OPHN1: variants seen among roughly 807,000 people sequenced by gnomAD.
OPHN1 encodes oligophrenin-1.
A neutral mutation model predicts 60.7 loss-of-function variants in OPHN1; 11 were observed. That is an observed-to-expected ratio of 0.18 (90% CI 0.11 to 0.30). The LOEUF is 0.30. OPHN1 is among the 10% of genes least tolerant of loss of function. OPHN1 has a pLI of 1.00. For missense variants in OPHN1, 449 were observed against 611.0 expected, an observed-to-expected ratio of 0.73 and a Z score of 2.80; for synonymous variants, 226 against 222.6, an observed-to-expected ratio of 1.02 and a Z score of -0.14.
chrX:68,179,989 T>C (rs762662023), intron 15 of OPHN1, among the ~76,000 whole-genome samples: 35 of 111,485 alleles, frequency 3.1e-4, no homozygotes, highest in Non-Finnish European at 5.8e-4. Flanking sequence ...CACCTCTTGA[T>C]AACATTATAG....
At chrX:68,267,749 G>A (rs1602284513) in intron 5 of OPHN1, among the ~76,000 whole-genome samples, 1 of 111,551 alleles carries the variant, frequency 9.0e-6, no homozygotes, top group South Asian at 3.8e-4. Flanking sequence ...CCAGGAGCTG[G>A]TTTTTTGAAA....
At chrX:68,137,235 T>C (rs1312192264) in intron 15 of OPHN1, among the ~76,000 whole-genome samples, 3 of 111,659 alleles carry the variant, frequency 2.7e-5, no homozygotes, top group Non-Finnish European at 5.6e-5. Context: ...TGAAAAAGCC[T>C]GGGTAAAGAC....
At chrX:68,318,771 T>A (rs1169494530) in intron 2 of OPHN1, among the ~76,000 whole-genome samples, 1 of 112,008 alleles carries the variant, frequency 8.9e-6, no homozygotes, top group Non-Finnish European at 1.9e-5. Context: ...TCATCATGAC[T>A]CCTTAGGCTC....
chrX:68,190,859 A>G (rs1486398561), intron 15 of OPHN1, among the ~76,000 whole-genome samples: 1 of 112,269 alleles, frequency 8.9e-6, no homozygotes, highest in Non-Finnish European at 1.9e-5. Context: ...GATGGGTTGC[A>G]AATTGACCAG....
intron 15 of OPHN1, among the ~76,000 whole-genome samples, chrX:68,172,048 G>C (rs1245850125): frequency 9.0e-6 from 1 of 111,601 alleles, no homozygotes; most frequent in Admixed American, 9.6e-5. Flanking sequence ...AGTCATTTTG[G>C]AACAGTTTTT....
intron 12 of OPHN1, among the ~76,000 whole-genome samples, chrX:68,194,909 A>C (rs954356195): frequency 9.3e-6 from 1 of 107,460 alleles, no homozygotes; most frequent in African/African-American, 3.4e-5. Flanking sequence ...TGGAGGCTGC[A>C]GTGAGCTGAG....
At position 68,220,446 on chromosome X, in the gene OPHN1, T is replaced by C. The variant is rs1448869145; in HGVS notation, c.487-6474A>G. The stretch of plus-strand genomic sequence containing the variant: ...ACTCATTTCATGAGGCCAGCATCAT[T>C]CTGATACCAAAGCCTGGCAGAGACA... On this transcript the variant is annotated intron_variant, in intron 6 of 24. Transcript: ENST00000355520. 6.3e-5 allele frequency among the ~76,000 whole-genome samples: 7 copies of C among 110,607 alleles called. No homozygotes were observed. The South Asian group carries it at 1.6e-3, about 25-fold the overall frequency.
rs762363895 is a variant in OPHN1 at position 68,210,162 on chromosome X, G to T, written c.823C>A (p.Gln275Lys). 1 of 1,210,394 alleles carries T rather than the reference G, an allele frequency of 8.3e-7. No individual in the cohort carries two copies. Among genetic ancestry groups the T allele is most frequent in the Admixed American group, 2.2e-5 (1 of 45,917 alleles). ...QPTIEGYLYT[Q>K]EKWALGISWV... Reference sequence around the variant, plus strand: ...CTATGTCCCCACACACATTTCTCTTGTGTATAGAGATAGCCTTCAATAGTT... The same window carrying T: ...CTATGTCCCCACACACATTTCTCTTTTGTATAGAGATAGCCTTCAATAGTT... The change falls in exon 9 of 25, where the codon CAA becomes AAA. Residue 275 changes from glutamine (Q) to lysine (K), a missense_variant. Gln to Lys is a moderately conservative substitution (Grantham distance 53, BLOSUM62 1). This residue lies in a region of OPHN1 where 166 missense variants were observed against 278.4 expected (regional missense o/e 0.60). Transcript: ENST00000355520.
At chrX:68,408,997 T>C (rs1287391371) in intron 2 of OPHN1, among the ~76,000 whole-genome samples, 1 of 112,792 alleles carries the variant, frequency 8.9e-6, no homozygotes, top group African/African-American at 3.2e-5. Context: ...AACTAATCCA[T>C]GGGCTTATAA....
chrX:68,073,457 G>A lies in OPHN1; in HGVS notation c.1687-158C>T. 7 of 462,792 alleles carry A rather than the reference G, an allele frequency of 1.5e-5. No homozygotes were observed. In the South Asian group the frequency reaches 3.1e-4, roughly 20 times the overall value. 38.1% of individuals were successfully genotyped at this position (462,792 alleles called of 1,213,427 possible). On this transcript the variant is annotated intron_variant, in intron 19 of 24. Transcript: ENST00000355520. The stretch of plus-strand genomic sequence containing the variant: ...ATCAGAGATTTTCTTAATCACTCTA[G>A]CTACAGGTAAATGTTTAGGTATCTC...
At position 68,141,904 on chromosome X, in the gene OPHN1, T is replaced by TAAAG. The variant is rs199937682; in HGVS notation, c.1277-22576_1277-22573dup. 4.6e-3 allele frequency among the ~76,000 whole-genome samples: 413 copies of TAAAG among 90,228 alleles called. 4 individuals carry two copies. Among genetic ancestry groups the TAAAG allele is most frequent in the East Asian group, 0.016 (44 of 2,805 alleles). The allele number at this position is 90,228 out of a possible 115,157, so 78.4% of individuals were successfully genotyped here. ...TAGCAGAAAAGATGGTGATGTTAAT[T>TAAAG]AAAGAAAGAAAGAAAGAAAGAAAGA... On this transcript the variant is annotated intron_variant, in intron 15 of 24. Transcript: ENST00000355520.
chrX:68,094,424 T>C (rs754900541), intron 19 of OPHN1, among the ~76,000 whole-genome samples: 1 of 111,992 alleles, frequency 8.9e-6, no homozygotes, highest in Non-Finnish European at 1.9e-5. Context: ...TTTCTACATA[T>C]ATGTTAGTAT....
At chrX:68,051,204 T>C (rs2076850357) in intron 23 of OPHN1, among the ~76,000 whole-genome samples, 1 of 110,906 alleles carries the variant, frequency 9.0e-6, no homozygotes, top group African/African-American at 3.3e-5. Flanking sequence ...AGAGTTCTGC[T>C]CCTGTCACCT....
chrX:68,218,823 T>A (rs1450090952), intron 6 of OPHN1, among the ~76,000 whole-genome samples: 8 of 92,196 alleles, frequency 8.7e-5, no homozygotes, highest in African/African-American at 3.1e-4. Context: ...CGCTGCAAAA[T>A]CATGCCAAAA....
chrX:68,289,551 C>G (rs2078060856), intron 3 of OPHN1, among the ~76,000 whole-genome samples: 1 of 111,938 alleles, frequency 8.9e-6, no homozygotes, highest in Non-Finnish European at 1.9e-5. Flanking sequence ...GGAAACCATA[C>G]CTAAAACCTA....
intron 10 of OPHN1, among the ~76,000 whole-genome samples, chrX:68,203,907 C>T (rs1284135963): frequency 6.2e-5 from 7 of 112,979 alleles, no homozygotes; most frequent in African/African-American, 2.3e-4. Flanking sequence ...CCACTATGTG[C>T]TTTGCACGTA....
chrX:68,300,900 G>T lies in OPHN1; in HGVS notation c.155-1804C>A, dbSNP rs951944553. 6.3e-5 allele frequency among the ~76,000 whole-genome samples: 7 copies of T among 111,864 alleles called. No homozygotes were observed. The Admixed American group carries it at 6.7e-4, about 11-fold the overall frequency. ...TAATATTCAACATTTATAGTATTTT[G>T]AAAATAAAGGCATGGAATAAGGAAG... On this transcript the variant is annotated intron_variant, in intron 2 of 24. Transcript: ENST00000355520.
At chrX:68,083,054 CTTTT>C (rs869083899) in intron 19 of OPHN1, among the ~76,000 whole-genome samples, 4 of 37,453 alleles carry the variant, frequency 1.1e-4, no homozygotes, top group Non-Finnish European at 1.7e-4. Flanking sequence ...CTGCTAGTTT[CTTTT>C]TTTTTTTTTT....
chrX:68,362,333 G>A (rs1159970053), intron 2 of OPHN1, among the ~76,000 whole-genome samples: 1 of 111,521 alleles, frequency 9.0e-6, no homozygotes, highest in African/African-American at 3.3e-5. Flanking sequence ...ACTCATAAAA[G>A]TAGAGAGTAG....
Sources: allele counts gnomAD v4.1 joint callset (sites outside exome capture counted in the v4.1 genomes callset), GRCh38; gene constraint gnomAD v4.1.1; regional missense constraint gnomAD v4.1.1; transcripts MANE v1.5; gene names NCBI Gene and HGNC (gene_info 2026-07-23, HGNC 2026-07-21).